RNF157: variants seen among roughly 807,000 people sequenced by gnomAD.
The protein encoded by RNF157 is E3 ubiquitin ligase RNF157.
Under a neutral mutation model 88.3 loss-of-function variants are expected in RNF157, and 55 were observed. The observed-to-expected ratio is 0.62, with a 90% confidence interval of 0.50 to 0.78. The LOEUF (loss-of-function observed/expected upper bound fraction) is 0.78, where lower values mean the gene tolerates loss of function less well. RNF157 is among the 30% of genes least tolerant of loss of function. The pLI, the probability that RNF157 is intolerant of heterozygous loss-of-function variation, is 0.00. For synonymous variants in RNF157, 334 were observed against 341.2 expected (o/e 0.98, Z 0.23); for missense variants, 788 against 860.8 (o/e 0.92, Z 1.06).
intron 18 of RNF157, among the ~76,000 whole-genome samples, chr17:76,148,537 G>T (rs1468187684): frequency 1.3e-5 from 2 of 150,496 alleles, no homozygotes; most frequent in Admixed American, 1.3e-4. Flanking sequence ...AAAGTGCTGG[G>T]ATTACAGGCG....
At chr17:76,217,479 C>T (rs1375613897) in intron 1 of RNF157, among the ~76,000 whole-genome samples, 2 of 152,024 alleles carry the variant, frequency 1.3e-5, no homozygotes, top group Admixed American at 1.3e-4. Flanking sequence ...TTTCTACTTG[C>T]TCAGTCTTTC....
rs182088609 is a variant in RNF157 at position 76,154,553 on chromosome 17, A to T, written c.1765-225T>A. The T allele has an allele frequency of 3.7e-5, 20 of 541,162 alleles. No homozygotes were observed. The East Asian group carries it at 5.7e-4, about 15-fold the overall frequency. 33.5% of individuals were successfully genotyped at this position (541,162 alleles called of 1,614,324 possible). On this transcript the variant is annotated intron_variant, in intron 16 of 18. Transcript: ENST00000269391. ...ATTAGATCCGAGCCACATTACCCAT[A>T]TATGCTCAGAATGGTCTGTCAGGAA...
At chr17:76,215,566 G>A (rs1201446586) in intron 1 of RNF157, among the ~76,000 whole-genome samples, 3 of 146,780 alleles carry the variant, frequency 2.0e-5, no homozygotes, top group East Asian at 2.0e-4. Context: ...ATGAGATTCA[G>A]TACTTTGAGC....
chr17:76,209,171 C>A (rs1003701643), intron 2 of RNF157, among the ~76,000 whole-genome samples: 1 of 151,998 alleles, frequency 6.6e-6, no homozygotes, highest in African/African-American at 2.4e-5. Flanking sequence ...GTGATCCTCC[C>A]ATCTCAGCCT....
intron 1 of RNF157, among the ~76,000 whole-genome samples, chr17:76,239,453 G>C (rs368526516): frequency 6.6e-6 from 1 of 152,070 alleles, no homozygotes; most frequent in African/African-American, 2.4e-5. Context: ...CCAAAACCCA[G>C]GCTTGCCACT....
chr17:76,161,600 GGC>G lies in RNF157; in HGVS notation c.998_999del (p.Gly333AlafsTer8). The G allele has an allele frequency of 6.2e-7, 1 of 1,614,126 alleles. No individual in the cohort carries two copies. Among genetic ancestry groups the G allele is most frequent in the Non-Finnish European group, 8.5e-7 (1 of 1,180,010 alleles). On this transcript the variant is annotated frameshift_variant, in exon 11 of 19. Coordinates refer to ENST00000269391, the MANE Select transcript of RNF157 (RefSeq NM_052916.3). LOFTEE classifies it high-confidence loss of function. The surrounding 1 kb of genome is among the most constrained non-coding windows in gnomAD (Gnocchi z 4.6). ...LQIRAMRKKL[G>X]PLSPTSFNPI... Reference sequence around the variant, plus strand: ...GGGTTAAAGCTGGTTGGGGACAAGGGGCCCAATTTTTTCCTCATGGCTCGGAT... The same window carrying G: ...GGGTTAAAGCTGGTTGGGGACAAGGGCCAATTTTTTCCTCATGGCTCGGAT...
intron 2 of RNF157, among the ~76,000 whole-genome samples, chr17:76,179,514 G>T (rs1005725190): frequency 6.6e-6 from 1 of 152,002 alleles, no homozygotes; most frequent in South Asian, 2.1e-4. Context: ...CCAACATAGC[G>T]AAACCCCATC....
At chr17:76,219,849 T>C (rs2069950740) in intron 1 of RNF157, among the ~76,000 whole-genome samples, 1 of 152,188 alleles carries the variant, frequency 6.6e-6, no homozygotes, top group Non-Finnish European at 1.5e-5. Context: ...GACAGTATTT[T>C]CTTCCGAGAA....
chr17:76,239,816 C>T (rs1253920585), intron 1 of RNF157, among the ~76,000 whole-genome samples: 1 of 152,048 alleles, frequency 6.6e-6, no homozygotes, highest in East Asian at 1.9e-4. Context: ...ACCTCGCCTA[C>T]GACGCCGCAG....
intron 1 of RNF157, among the ~76,000 whole-genome samples, chr17:76,215,963 A>G (rs2069881283): frequency 6.6e-6 from 1 of 152,196 alleles, no homozygotes. Context: ...TAATTTATGG[A>G]GAGGGGAGGT....
At chr17:76,221,069 C>T (rs2069975294) in intron 1 of RNF157, among the ~76,000 whole-genome samples, 1 of 152,026 alleles carries the variant, frequency 6.6e-6, no homozygotes, top group African/African-American at 2.4e-5. Context: ...TGCAGTGAAC[C>T]GTGTTTGCAC....
rs1388813176 is a variant in RNF157, at chr17:76,240,487, G to T, written c.-247C>A. On this transcript the variant is annotated 5_prime_UTR_variant, in exon 1 of 19. Coordinates refer to ENST00000269391, the MANE Select transcript of RNF157 (RefSeq NM_052916.3). The surrounding 1 kb of genome is among the most constrained non-coding windows in gnomAD (Gnocchi z 4.4). ...GCCGGGGGCGCCGCCGCCGCCTCAG[G>T]CCGCGTGATGTCAGCGGCCGCTCCG... 2.7e-5 allele frequency: 4 copies of T among 146,490 alleles called. No homozygotes were observed. Among genetic ancestry groups the T allele is most frequent in the African/African-American group, 9.8e-5 (4 of 40,852 alleles). 9.1% of individuals were successfully genotyped at this position (146,490 alleles called of 1,614,324 possible). A position where few individuals can be genotyped will look rare whatever the true frequency, so the allele number is the denominator to read the frequency against.
chr17:76,184,895 C>T (rs965590248), intron 2 of RNF157, among the ~76,000 whole-genome samples: 3 of 152,210 alleles, frequency 2.0e-5, no homozygotes, highest in East Asian at 1.9e-4. Flanking sequence ...ACAAGACCAA[C>T]GTCATGGCTA....
chr17:76,149,121 G>A (rs1007896835), intron 18 of RNF157, among the ~76,000 whole-genome samples: 1 of 152,012 alleles, frequency 6.6e-6, no homozygotes, highest in African/African-American at 2.4e-5. Context: ...TCCACCCTTG[G>A]TCTTGGGGCC....
intron 1 of RNF157, among the ~76,000 whole-genome samples, chr17:76,234,666 T>A (rs889648389): frequency 1.3e-5 from 2 of 152,250 alleles, no homozygotes; most frequent in Admixed American, 1.3e-4. Flanking sequence ...TATATCTTTT[T>A]TGGAGAAATG....
chr17:76,210,196 A>G (rs1165949418), intron 2 of RNF157, among the ~76,000 whole-genome samples: 5 of 152,250 alleles, frequency 3.3e-5, no homozygotes, highest in African/African-American at 1.2e-4. Context: ...TAGACATCTG[A>G]TAAGTATTAC....
chr17:76,173,947 A>C (rs986035370), intron 2 of RNF157, among the ~76,000 whole-genome samples, 157 bp from the exon 3 acceptor site: 1 of 152,176 alleles, frequency 6.6e-6, no homozygotes, highest in Non-Finnish European at 1.5e-5. Flanking sequence ...ATACTGAGTC[A>C]ACCTGCTCAA....
At chr17:76,226,302 C>T (rs2070083911) in intron 1 of RNF157, 8 of 1,608,182 alleles carry the variant, frequency 5.0e-6, no homozygotes, top group Non-Finnish European at 6.8e-6. Flanking sequence ...GAGGACTGGA[C>T]CCCTGGGGAA....
At chr17:76,197,387 A>T (rs1353240869) in intron 2 of RNF157, among the ~76,000 whole-genome samples, 1 of 152,136 alleles carries the variant, frequency 6.6e-6, no homozygotes, top group Non-Finnish European at 1.5e-5. Context: ...ATGAGCCTGG[A>T]TGTGGTGGCT....
Sources: gnomAD v4.1 joint callset for allele counts (sites outside exome capture counted in the v4.1 genomes callset) on GRCh38, gnomAD v4.1.1 for gene constraint, Gnocchi (gnomAD v3.1) non-coding constraint, MANE v1.5 for transcripts, NCBI Gene and HGNC (gene_info 2026-07-23, HGNC 2026-07-21) for gene names.